Variants in IPO8 observed in about 807,000 individuals in gnomAD.
IPO8 encodes the protein importin-8.
Under a neutral mutation model 141.2 loss-of-function variants are expected in IPO8, and 65 were observed. The ratio of observed to expected loss-of-function variants is 0.46; its 90% confidence interval spans 0.38 to 0.57. The LOEUF is 0.57. Among genes scored for constraint, IPO8 ranks in the 20% least tolerant of loss-of-function variants. IPO8 has a pLI of 0.00. For synonymous variants in IPO8, 411 were observed against 420.3 expected, an observed-to-expected ratio of 0.98 and a Z score of 0.27; for missense variants, 980 against 1,246.8, an observed-to-expected ratio of 0.79 and a Z score of 3.22.
chr12:30,657,652 G>A (rs1249212113), intron 16 of IPO8, among the ~76,000 whole-genome samples: 1 of 152,102 alleles, frequency 6.6e-6, no homozygotes, highest in Non-Finnish European at 1.5e-5. Context: ...ACAAGAGACA[G>A]TTAAATTATA....
intron 5 of IPO8, chr12:30,680,273 T>G (rs967304907): frequency 9.3e-6 from 4 of 430,270 alleles, no homozygotes; most frequent in African/African-American, 6.1e-5. Context: ...TTTCAGACAC[T>G]GGAGTGAAAA....
chr12:30,683,948 T>C (rs1428701332), intron 3 of IPO8, among the ~76,000 whole-genome samples: 1 of 152,182 alleles, frequency 6.6e-6, no homozygotes, highest in Non-Finnish European at 1.5e-5. Context: ...AGTCTCTCTG[T>C]ATCAAAGAAA....
chr12:30,631,879 G>A lies in IPO8; in HGVS notation c.3016+16C>T, dbSNP rs762859758. 8.9e-6 allele frequency: 14 copies of A among 1,566,612 alleles called. No individual in the cohort carries two copies. In the South Asian group the frequency reaches 1.6e-4, roughly 17 times the overall value. On this transcript the variant is annotated intron_variant, in intron 24 of 24. Coordinates refer to ENST00000256079, the MANE Select transcript of IPO8 (RefSeq NM_006390.4). ...TCTGACACATGCACTCCACTCTGGA[G>A]GTTACTCTGGCTGACCTGCCACCGT... is the stretch of plus-strand genomic sequence containing the variant.
intron 15 of IPO8, 40 bp from the exon 16 acceptor site, chr12:30,661,306 C>T: frequency 6.6e-7 from 1 of 1,515,098 alleles, no homozygotes; most frequent in Non-Finnish European, 8.8e-7. Context: ...ATTAGTAGTA[C>T]TGTTACGTCC....
At position 30,669,292 on chromosome 12, in the gene IPO8, GA is replaced by G. The variant is rs201488715; in HGVS notation, c.1045-11del. 7,207 of 889,242 alleles carry G rather than the reference GA, an allele frequency of 8.1e-3. 1 individual carries two copies. Among genetic ancestry groups the G allele is most frequent in the East Asian group, 0.016 (515 of 31,386 alleles). The allele number at this position is 889,242 out of a possible 1,614,324, so 55.1% of individuals were successfully genotyped here. On this transcript the variant is annotated splice_polypyrimidine_tract_variant and intron_variant, in intron 9 of 24. Transcript: ENST00000256079. ...CATCTTCAGAGATATTCTAAAATGA[GA>G]AAAAAAAAAAAACGTAACAAATGGG...
chr12:30,651,520 T>G (rs2052726040), intron 19 of IPO8, among the ~76,000 whole-genome samples: 1 of 152,086 alleles, frequency 6.6e-6, no homozygotes, highest in Non-Finnish European at 1.5e-5. Flanking sequence ...CTTTATAAAA[T>G]CTGCCTGCCA....
chr12:30,665,830 T>C lies in IPO8; in HGVS notation c.1237A>G (p.Met413Val), dbSNP rs530034085. 147 of 1,612,440 alleles carry C rather than the reference T, an allele frequency of 9.1e-5. 1 individual carries two copies. The South Asian group carries it at 1.6e-3, about 17-fold the overall frequency. Residue 413 changes from methionine (M) to valine (V), a missense_variant, in exon 12 of 25, where the codon ATG (methionine) becomes GTG (valine). Physicochemically the swap from Met to Val is conservative, Grantham distance 21 (BLOSUM62 1). Transcript: ENST00000256079. ...GTCAGGATTTGATAACAGAATGCCA[T>C]CATTTTTGGCAACACCTAAAGAAAC... The part of the protein sequence containing the change: ...KKRKEVLPKM[M>V]AFCYQILTDP...
chr12:30,695,627 G>A lies in IPO8; in HGVS notation c.21C>T (p.Ile7=). 6.2e-7 allele frequency: 1 copy of A among 1,614,142 alleles called. No homozygotes were observed. Among genetic ancestry groups the A allele is most frequent in the Non-Finnish European group, 8.5e-7 (1 of 1,179,980 alleles). The change falls in exon 1 of 25, where the codon ATC becomes ATT. Residue 7 remains isoleucine, a synonymous_variant. Transcript: ENST00000256079. This position sits in a 1 kb window ranked among gnomAD's most constrained non-coding sequence, Gnocchi z 4.2. ...GGTCGATGGTGCCCTTCAGCGCCTG[G>A]ATGATCCGGTTGAGGTCCATCTCCC... MDLNRI[I]QALKGTIDPK... is the part of the protein sequence containing the mutation.
At chr12:30,679,161 T>C (rs2053159348) in intron 5 of IPO8, among the ~76,000 whole-genome samples, 3 of 152,122 alleles carry the variant, frequency 2.0e-5, no homozygotes, top group Admixed American at 2.0e-4. Context: ...AAAAACAAAA[T>C]TGTCTGCTCC....
intron 2 of IPO8, among the ~76,000 whole-genome samples, chr12:30,687,507 G>A (rs1249386401): frequency 6.6e-6 from 1 of 151,918 alleles, no homozygotes; most frequent in Non-Finnish European, 1.5e-5. Flanking sequence ...CTGTTATCTC[G>A]GTGGGCAGAA....
chr12:30,673,718 A>T (rs1043638903), intron 8 of IPO8, among the ~76,000 whole-genome samples: 2 of 152,230 alleles, frequency 1.3e-5, no homozygotes, highest in African/African-American at 4.8e-5. Flanking sequence ...AATACTGGTG[A>T]CTGCTACACC....
At chr12:30,634,373 C>G in intron 22 of IPO8, 87 bp from the exon 23 acceptor site, 1 of 1,076,716 alleles carries the variant, frequency 9.3e-7, no homozygotes, top group Non-Finnish European at 1.4e-6. Context: ...GACTATAAAA[C>G]TACACTCTGG....
intron 10 of IPO8, among the ~76,000 whole-genome samples, chr12:30,667,370 C>A (rs1233925353): frequency 6.6e-6 from 1 of 152,192 alleles, no homozygotes; most frequent in East Asian, 1.9e-4. Context: ...GCTATCTTAA[C>A]ATCAAAGCCT....
intron 22 of IPO8, among the ~76,000 whole-genome samples, chr12:30,634,683 T>C (rs1043195279): frequency 3.3e-5 from 5 of 152,134 alleles, no homozygotes; most frequent in Non-Finnish European, 5.9e-5. Flanking sequence ...AGTGCATGTG[T>C]TTTAAACAAT....
chr12:30,660,733 T>C (rs2052872999), intron 16 of IPO8, among the ~76,000 whole-genome samples: 1 of 152,144 alleles, frequency 6.6e-6, no homozygotes, highest in African/African-American at 2.4e-5. Context: ...TTCTGTTCCA[T>C]TACCTAACAC....
chr12:30,656,791 A>T, intron 16 of IPO8, 41 bp from the exon 17 acceptor site: 1 of 925,886 alleles, frequency 1.1e-6, no homozygotes, highest in Non-Finnish European at 1.6e-6. Context: ...AATTATCATA[A>T]TTAATACATA....
At chr12:30,688,814 C>T (rs895670723) in intron 2 of IPO8, 1 of 152,948 alleles carries the variant, frequency 6.5e-6, no homozygotes, top group Non-Finnish European at 1.5e-5. Flanking sequence ...ATTCTAAATT[C>T]TAAATGTCAT....
chr12:30,630,661 G>A lies in IPO8; in HGVS notation c.*199C>T. 1 of 531,850 alleles carries A rather than the reference G, an allele frequency of 1.9e-6. No homozygotes were observed. The highest frequency in any genetic ancestry group is 3.3e-6 in the Non-Finnish European group (1 of 302,632). The allele number at this position is 531,850 out of a possible 1,614,324, so 32.9% of individuals were successfully genotyped here. A position where few individuals can be genotyped will look rare whatever the true frequency, so the allele number is the denominator to read the frequency against. ...GTTTTTCTTTCATTTCATACTTACAGTAGCTGTTTAAAATATATATTTCAG... is the reference window on the plus strand; with the variant it reads ...GTTTTTCTTTCATTTCATACTTACAATAGCTGTTTAAAATATATATTTCAG... On this transcript the variant is annotated 3_prime_UTR_variant, in exon 25 of 25. Coordinates refer to ENST00000256079, the MANE Select transcript of IPO8 (RefSeq NM_006390.4).
chr12:30,695,858 T>C lies in IPO8; in HGVS notation c.-211A>G. 1 of 513,442 alleles carries C rather than the reference T, an allele frequency of 1.9e-6. No homozygotes were observed. Among genetic ancestry groups the C allele is most frequent in the Non-Finnish European group, 3.5e-6 (1 of 286,832 alleles). 31.8% of individuals were successfully genotyped at this position (513,442 alleles called of 1,614,324 possible). On this transcript the variant is annotated 5_prime_UTR_variant, in exon 1 of 25. Coordinates refer to ENST00000256079, the MANE Select transcript of IPO8 (RefSeq NM_006390.4). The surrounding 1 kb of genome is among the most constrained non-coding windows in gnomAD (Gnocchi z 4.2). Reference sequence around the variant, plus strand: ...TTCCCCCCCACAACTCGCTCTCCATTCACCGTTTTACGACAGCCGGTGGGA... The same window carrying C: ...TTCCCCCCCACAACTCGCTCTCCATCCACCGTTTTACGACAGCCGGTGGGA...
Sources: gnomAD v4.1 joint callset for allele counts (sites outside exome capture counted in the v4.1 genomes callset) on GRCh38, gnomAD v4.1.1 for gene constraint, Gnocchi (gnomAD v3.1) non-coding constraint, MANE v1.5 for transcripts, NCBI Gene and HGNC (gene_info 2026-07-23, HGNC 2026-07-21) for gene names.